The following UGT1A6 variants were observed in gnomAD, a reference collection of about 807,000 sequenced individuals.
UGT1A6 encodes UDP glucuronosyltransferase family 1 member A6.
UGT1A6 carries 32 observed loss-of-function variants against 44.4 expected under a neutral mutation model. The observed-to-expected ratio is 0.72, with a 90% CI of 0.54 to 0.97. The LOEUF (loss-of-function observed/expected upper bound fraction) is 0.97, where lower values mean the gene tolerates loss of function less well. UGT1A6 is among the 50% of genes least tolerant of loss of function. The probability of loss-of-function intolerance (pLI) is 0.00; values close to 1 mark genes in which losing one functional copy is unlikely to be tolerated. For missense variants in UGT1A6, 685 were observed against 661.9 expected, an observed-to-expected ratio of 1.03 and a Z score of -0.38; for synonymous variants, 238 against 248.5, an observed-to-expected ratio of 0.96 and a Z score of 0.40.
intron 1 of UGT1A6, chr2:233,729,744 A>G: frequency 1.2e-6 from 2 of 1,613,946 alleles, no homozygotes; most frequent in South Asian, 2.2e-5. Context: ...ACCACATGAC[A>G]TTCATGCAAA....
chr2:233,755,300 G>C (rs149465290), intron 1 of UGT1A6: 2 of 608,528 alleles, frequency 3.3e-6, no homozygotes, highest in African/African-American at 3.8e-5. Flanking sequence ...GCGGGGCACT[G>C]GCACAGCGAG....
intron 1 of UGT1A6, among the ~76,000 whole-genome samples, chr2:233,741,186 G>A (rs901469782): frequency 6.6e-6 from 1 of 151,878 alleles, no homozygotes; most frequent in African/African-American, 2.4e-5. Flanking sequence ...ACTTGTGTTT[G>A]CTTTCAACTG....
intron 1 of UGT1A6, chr2:233,719,830 G>T: frequency 6.5e-7 from 1 of 1,548,976 alleles, no homozygotes; most frequent in Non-Finnish European, 8.7e-7. Context: ...CTGTTGAGGG[G>T]CCTAGTGTAT....
In UGT1A6 at chr2:233,718,993, C is replaced by T. The variant is rs141408391; in HGVS notation, c.861+25128C>T. On this transcript the variant is annotated intron_variant, in intron 1 of 4. Transcript: ENST00000305139. ...GAGCTCCATGCCAGAGGCCACCAGG[C>T]GGTGGTCCTCACCCCAGAGGTGAAT... 743 of 1,614,156 alleles carry T rather than the reference C, an allele frequency of 4.6e-4. 9 individuals carry two copies. In the South Asian group the frequency reaches 5.4e-3, roughly 12 times the overall value.
chr2:233,751,386 C>T (rs1694713563), intron 1 of UGT1A6, among the ~76,000 whole-genome samples: 1 of 152,086 alleles, frequency 6.6e-6, no homozygotes, highest in African/African-American at 2.4e-5. Flanking sequence ...TGCCTTGTCT[C>T]AGATAAGACT....
chr2:233,732,886 T>C lies in UGT1A6; in HGVS notation c.862-34148T>C, dbSNP rs572448291. On this transcript the variant is annotated intron_variant, in intron 1 of 4. Coordinates refer to ENST00000305139, the MANE Select transcript of UGT1A6 (RefSeq NM_001072.4). ...CTTGATGGGTTTGGCATTGAATCTATAAATTACCTTGGGCAGTATGGCCAT... is the reference window on the plus strand; with the variant it reads ...CTTGATGGGTTTGGCATTGAATCTACAAATTACCTTGGGCAGTATGGCCAT... Among the ~76,000 whole-genome samples, 466 of 152,210 alleles carry C rather than the reference T, an allele frequency of 3.1e-3. 4 individuals are homozygous for C. The highest frequency in any genetic ancestry group is 0.011 in the African/African-American group (443 of 41,520).
chr2:233,725,862 C>A (rs1291459047), intron 1 of UGT1A6, among the ~76,000 whole-genome samples: 1 of 152,150 alleles, frequency 6.6e-6, no homozygotes, highest in African/African-American at 2.4e-5. Context: ...TTCCCCATCT[C>A]TTTTAATTTG....
intron 1 of UGT1A6, among the ~76,000 whole-genome samples, chr2:233,699,129 CAG>C (rs1340305357): frequency 6.6e-6 from 1 of 152,214 alleles, no homozygotes; most frequent in Non-Finnish European, 1.5e-5. Context: ...CTACTTATGT[CAG>C]ATTCTCATGG....
chr2:233,743,464 C>T lies in UGT1A6; in HGVS notation c.862-23570C>T, dbSNP rs542057655. 5.5e-4 allele frequency: 753 copies of T among 1,366,482 alleles called. 6 individuals carry two copies. In the Admixed American group the frequency reaches 0.012, roughly 23 times the overall value. The allele number at this position is 1,366,482 out of a possible 1,614,324, so 84.6% of individuals were successfully genotyped here. On this transcript the variant is annotated intron_variant, in intron 1 of 4. Coordinates refer to ENST00000305139, the MANE Select transcript of UGT1A6 (RefSeq NM_001072.4). Reference sequence around the variant, plus strand: ...TGTATCAAAAGAAGAAAAAACACCCCCAAAAGCTGGAAATTCACTGAAGGC... The same window carrying T: ...TGTATCAAAAGAAGAAAAAACACCCTCAAAAGCTGGAAATTCACTGAAGGC...
chr2:233,693,536 C>A lies in UGT1A6; in HGVS notation c.532C>A (p.Leu178Met). 1 of 1,614,160 alleles carries A rather than the reference C, an allele frequency of 6.2e-7. No homozygotes were observed. Among genetic ancestry groups the A allele is most frequent in the Admixed American group, 1.7e-5 (1 of 60,020 alleles). The change falls in exon 1 of 5, where the codon CTG (leucine) becomes ATG (methionine). Residue 178 changes from leucine to methionine, a missense_variant. Transcript: ENST00000305139. ...VYLFRGFPCS[L>M]EHTFSRSPDP... ...CCTCTTCAGGGGTTTTCCGTGTTCC[C>A]TGGAGCATACATTCAGCAGAAGCCC...
intron 1 of UGT1A6, among the ~76,000 whole-genome samples, chr2:233,733,037 G>T (rs562709334): frequency 5.5e-4 from 83 of 152,142 alleles, no homozygotes; most frequent in Non-Finnish European, 1.1e-3. Context: ...TCCCTTTTAA[G>T]TTGGATTCCT....
intron 3 of UGT1A6, 130 bp from the exon 4 acceptor site, chr2:233,768,090 T>A (rs887845025): frequency 1.1e-5 from 18 of 1,591,432 alleles, no homozygotes; most frequent in Non-Finnish European, 1.5e-5. Flanking sequence ...CAACCCACAT[T>A]TTCTTCTGCA....
rs758454924 is a variant in UGT1A6 at position 233,772,344 on chromosome 2, G to A, written c.1384G>A (p.Glu462Lys). The change falls in exon 5 of 5, where the codon GAG becomes AAG. Residue 462 changes from glutamate (E) to lysine (K), a missense_variant. Physicochemically the swap from Glu to Lys is moderately conservative, Grantham distance 56 (BLOSUM62 1). Transcript: ENST00000305139. ...EPLDLAVFWV[E>K]FVMRHKGAPH... ...GCTGGACCTGGCCGTGTTCTGGGTG[G>A]AGTTTGTGATGAGGCACAAGGGCGC... is the stretch of plus-strand genomic sequence containing the variant. 6.2e-7 allele frequency: 1 copy of A among 1,614,240 alleles called. No homozygotes were observed. The highest frequency in any genetic ancestry group is 2.2e-5 in the East Asian group (1 of 44,884).
chr2:233,760,963 G>A (rs761943511), intron 1 of UGT1A6: 5 of 1,614,162 alleles, frequency 3.1e-6, no homozygotes, highest in African/African-American at 1.3e-5. Flanking sequence ...GTGCGACGTG[G>A]TTTATTCCCC....
Position 233,693,775 on chromosome 2 carries a change from T to C in UGT1A6, c.771T>C (p.Tyr257=), listed in dbSNP as rs775225798. 1 of 1,614,262 alleles carries C rather than the reference T, an allele frequency of 6.2e-7. No homozygotes were observed. Among genetic ancestry groups the C allele is most frequent in the South Asian group, 1.1e-5 (1 of 91,086 alleles). ...AGGTCTCTGTTTGGCTGTTAAGATA[T>C]GACTTTGTGCTTGAATATCCTAGGC... is the stretch of plus-strand genomic sequence containing the variant. ...YQKVSVWLLR[Y]DFVLEYPRPV... Residue 257 remains tyrosine (Y), a synonymous_variant, in exon 1 of 5, where the codon TAT becomes TAC. Coordinates refer to ENST00000305139, the MANE Select transcript of UGT1A6 (RefSeq NM_001072.4).
chr2:233,751,041 C>T (rs1189631528), intron 1 of UGT1A6, among the ~76,000 whole-genome samples: 2 of 151,832 alleles, frequency 1.3e-5, no homozygotes, highest in African/African-American at 4.9e-5. Flanking sequence ...GCACTGTGTG[C>T]CTGGAAAAGA....
intron 1 of UGT1A6, among the ~76,000 whole-genome samples, chr2:233,724,945 C>G (rs1463938035): frequency 1.4e-5 from 2 of 144,514 alleles, no homozygotes; most frequent in African/African-American, 5.3e-5. Context: ...GTCTGCAATC[C>G]CGGCACCTCG....
chr2:233,742,713 C>A (rs546122146), intron 1 of UGT1A6: 1 of 152,522 alleles, frequency 6.6e-6, no homozygotes. Flanking sequence ...CCGATTTCAG[C>A]TCAGTGATAT....
chr2:233,704,120 A>G (rs1015363389), intron 1 of UGT1A6, among the ~76,000 whole-genome samples: 1 of 151,672 alleles, frequency 6.6e-6, no homozygotes, highest in African/African-American at 2.4e-5. Flanking sequence ...CAAACTCCTT[A>G]CCTCAAGTGA....
Sources: gnomAD v4.1 joint callset for allele counts (sites outside exome capture counted in the v4.1 genomes callset) on GRCh38, gnomAD v4.1.1 for gene constraint, MANE v1.5 for transcripts, NCBI Gene and HGNC (gene_info 2026-07-23, HGNC 2026-07-21) for gene names.